DPYD: variants seen among roughly 807,000 people sequenced by gnomAD.
The protein encoded by DPYD is dihydropyrimidine dehydrogenase.
In DPYD, 109 loss-of-function variants were observed where a neutral mutation model predicts 116.2. The observed-to-expected ratio is 0.94, with a 90% CI of 0.80 to 1.10. The LOEUF is 1.10. DPYD is among the 50% of genes least tolerant of loss of function. The pLI, the probability that DPYD is intolerant of heterozygous loss-of-function variation, is 0.00. For missense variants in DPYD, 1,302 were observed against 1,254.5 expected, an observed-to-expected ratio of 1.04 and a Z score of -0.57; for synonymous variants, 440 against 432.0, an observed-to-expected ratio of 1.02 and a Z score of -0.23.
In DPYD at chr1:97,214,167, C is replaced by T. The variant is rs1050415435; in HGVS notation, c.2442+20685G>A. 2.6e-5 allele frequency among the ~76,000 whole-genome samples: 4 copies of T among 152,118 alleles called. 1 individual carries two copies. The highest frequency in any genetic ancestry group is 6.6e-5 in the Admixed American group (1 of 15,256). Reference sequence around the variant, plus strand: ...GGGTACCAATAGAATTCCCTAACAGCAGCCAAATTTTACTTGAGACCATCC... The same window carrying T: ...GGGTACCAATAGAATTCCCTAACAGTAGCCAAATTTTACTTGAGACCATCC... On this transcript the variant is annotated intron_variant, in intron 19 of 22. Transcript: ENST00000370192.
intron 2 of DPYD, among the ~76,000 whole-genome samples, chr1:97,871,115 A>G (rs1412086257): frequency 6.6e-6 from 1 of 151,948 alleles, no homozygotes. Flanking sequence ...AAATACAGTA[A>G]TATGCTTCAT....
intron 3 of DPYD, among the ~76,000 whole-genome samples, chr1:97,777,366 G>A (rs1196877722): frequency 6.6e-6 from 1 of 152,168 alleles, no homozygotes; most frequent in Non-Finnish European, 1.5e-5. Flanking sequence ...CAAAGAGACT[G>A]CAAATACTCA....
chr1:97,421,934 G>T (rs1011561985), intron 14 of DPYD, among the ~76,000 whole-genome samples: 5 of 152,136 alleles, frequency 3.3e-5, no homozygotes, highest in Non-Finnish European at 5.9e-5. Context: ...TAAAGCGCTA[G>T]CCCCTGAGGA....
chr1:97,719,895 G>T (rs1035155369), intron 5 of DPYD: 133 of 984,854 alleles, frequency 1.4e-4, no homozygotes, highest in Non-Finnish European at 1.5e-4. Flanking sequence ...ATCTACTGCA[G>T]TCCTAATCTA....
intron 14 of DPYD, among the ~76,000 whole-genome samples, chr1:97,399,556 G>T (rs535758834): frequency 6.6e-6 from 1 of 152,040 alleles, no homozygotes; most frequent in South Asian, 2.1e-4. Context: ...CCATTTTCAC[G>T]ATATTTATTC....
intron 16 of DPYD, chr1:97,322,928 G>A (rs1405026073): frequency 6.6e-6 from 1 of 151,734 alleles, no homozygotes; most frequent in Non-Finnish European, 1.5e-5. Context: ...ATTGTTTTAA[G>A]GATTAAAAAC....
intron 5 of DPYD, among the ~76,000 whole-genome samples, chr1:97,717,212 G>T (rs1203695129): frequency 6.6e-6 from 1 of 151,958 alleles, no homozygotes; most frequent in East Asian, 1.9e-4. Flanking sequence ...AGTATTTATT[G>T]CATTACTGCA....
chr1:97,743,315 A>G (rs1268824171), intron 3 of DPYD, among the ~76,000 whole-genome samples: 1 of 152,076 alleles, frequency 6.6e-6, no homozygotes, highest in Non-Finnish European at 1.5e-5. Context: ...CCATCTTGCA[A>G]TTCTCTAAGC....
chr1:97,809,523 T>C (rs1245511290), intron 3 of DPYD, among the ~76,000 whole-genome samples: 2 of 152,102 alleles, frequency 1.3e-5, no homozygotes, highest in Non-Finnish European at 2.9e-5. Flanking sequence ...GAGTCAACAA[T>C]AGTTTCCGAT....
At chr1:97,540,827 T>C in intron 12 of DPYD, among the ~76,000 whole-genome samples, 1 of 152,120 alleles carries the variant, frequency 6.6e-6, no homozygotes, top group East Asian at 1.9e-4. Flanking sequence ...CAGCCATCAG[T>C]CAACTCATTA....
chr1:97,788,192 C>G (rs1045947610), intron 3 of DPYD, among the ~76,000 whole-genome samples: 26 of 152,152 alleles, frequency 1.7e-4, no homozygotes, highest in African/African-American at 6.3e-4. Flanking sequence ...AGACTTGGGA[C>G]CTTCATTCCC....
intron 14 of DPYD, among the ~76,000 whole-genome samples, chr1:97,437,519 C>T (rs1675534364): frequency 6.6e-6 from 1 of 151,720 alleles, no homozygotes; most frequent in South Asian, 2.1e-4. Flanking sequence ...TATGAACATT[C>T]CCGTACAAGT....
chr1:97,681,404 C>T (rs1199539273), intron 7 of DPYD, among the ~76,000 whole-genome samples: 1 of 152,044 alleles, frequency 6.6e-6, no homozygotes, highest in Admixed American at 6.6e-5. Context: ...ATGACTGGAA[C>T]TGGATCATAG....
At chr1:97,674,012 T>C (rs770495748) in intron 8 of DPYD, among the ~76,000 whole-genome samples, 19 of 149,496 alleles carry the variant, frequency 1.3e-4, no homozygotes, top group Non-Finnish European at 2.2e-4. Context: ...TTGAAAACCT[T>C]CGTGGGGACT....
At chr1:97,303,066 G>A (rs1180070250) in intron 18 of DPYD, among the ~76,000 whole-genome samples, 12 of 151,878 alleles carry the variant, frequency 7.9e-5, no homozygotes, top group Admixed American at 7.9e-4. Context: ...TACTACTCCA[G>A]GTGCCTCACT....
intron 13 of DPYD, among the ~76,000 whole-genome samples, chr1:97,468,568 A>T (rs1422318845): frequency 1.3e-5 from 2 of 152,242 alleles, no homozygotes; most frequent in Non-Finnish European, 2.9e-5. Context: ...GAACTGTGAG[A>T]AACAAATCTG....
At chr1:97,540,333 G>T (rs1300785589) in intron 12 of DPYD, among the ~76,000 whole-genome samples, 1 of 136,686 alleles carries the variant, frequency 7.3e-6, no homozygotes, top group Non-Finnish European at 1.6e-5. Context: ...GTGGGGGGTG[G>T]GGGGTGGGGG....
At chr1:97,113,758 T>C (rs1557870508) in intron 20 of DPYD, among the ~76,000 whole-genome samples, 1 of 152,126 alleles carries the variant, frequency 6.6e-6, no homozygotes. Flanking sequence ...TCATACATTG[T>C]TTATTAATAC....
At chr1:97,524,021 A>G (rs1648876628) in intron 12 of DPYD, among the ~76,000 whole-genome samples, 1 of 145,246 alleles carries the variant, frequency 6.9e-6, no homozygotes, top group Non-Finnish European at 1.5e-5. Context: ...ATTTTAAACT[A>G]AAAAAAAAAA....
Sources: gnomAD v4.1 joint callset for allele counts (sites outside exome capture counted in the v4.1 genomes callset) on GRCh38, gnomAD v4.1.1 for gene constraint, MANE v1.5 for transcripts, NCBI Gene and HGNC (gene_info 2026-07-23, HGNC 2026-07-21) for gene names.